GLI2: variants seen among roughly 807,000 people sequenced by gnomAD.
The protein encoded by GLI2 is GLI family zinc finger 2.
A neutral mutation model predicts 78.9 loss-of-function variants in GLI2; 22 were observed. The ratio of observed to expected loss-of-function variants is 0.28; its 90% CI spans 0.20 to 0.40. The LOEUF (loss-of-function observed/expected upper bound fraction) is 0.40, where lower values mean the gene tolerates loss of function less well. GLI2 is among the 10% of genes least tolerant of loss of function. The pLI is 1.00. For missense variants in GLI2, 2,097 were observed against 2,213.2 expected (o/e 0.95, Z 1.05); for synonymous variants, 974 against 963.7 (o/e 1.01, Z -0.20).
intron 5 of GLI2, among the ~76,000 whole-genome samples, chr2:120,966,559 T>C (rs1275085025): frequency 2.0e-5 from 3 of 152,256 alleles, no homozygotes. Context: ...CCAATGGTCC[T>C]GGATGTCCTC....
intron 2 of GLI2, among the ~76,000 whole-genome samples, chr2:120,871,930 G>A (rs1688482417): frequency 6.6e-6 from 1 of 152,324 alleles, no homozygotes. Context: ...GAAATCAGCT[G>A]AGAGTTGTGG....
intron 3 of GLI2, among the ~76,000 whole-genome samples, chr2:120,945,967 A>ACACACACACACACACC: frequency 6.9e-6 from 1 of 144,020 alleles, no homozygotes; most frequent in Admixed American, 6.7e-5. Flanking sequence ...TCACACACAC[A>ACACACACACACACACC]CACACACACA....
At chr2:120,960,371 G>C (rs1020312476) in intron 5 of GLI2, among the ~76,000 whole-genome samples, 3 of 152,222 alleles carry the variant, frequency 2.0e-5, no homozygotes, top group African/African-American at 7.2e-5. Context: ...GGCTCTGCCA[G>C]GCAAGAGGGC....
Position 120,975,108 on chromosome 2 carries a change from A to T in GLI2, c.1316A>T (p.His439Leu). 2 of 1,613,836 alleles carry T rather than the reference A, an allele frequency of 1.2e-6. No individual in the cohort carries two copies. Among genetic ancestry groups the T allele is most frequent in the Non-Finnish European group, 1.7e-6 (2 of 1,180,014 alleles). The change falls in exon 9 of 14, where the codon CAT becomes CTT. Residue 439 changes from histidine to leucine, a missense_variant and splice_region_variant. Physicochemically the swap from His to Leu is moderately conservative, Grantham distance 99. This residue lies in a region of GLI2 where 578 missense variants were observed against 612.0 expected (regional missense o/e 0.94). Transcript: ENST00000361492. ...KEYDTQEQLV[H>L]HINNEHIHGE... ...TACGACACCCAGGAGCAGCTGGTGC[A>T]TGTAAGCTTTTGAACCCCAGCAGCC... is the stretch of plus-strand genomic sequence containing the variant.
At chr2:120,987,565 T>A (rs1683038371) in intron 13 of GLI2, among the ~76,000 whole-genome samples, 1 of 152,156 alleles carries the variant, frequency 6.6e-6, no homozygotes, top group Non-Finnish European at 1.5e-5. Context: ...CTCTGCCCAC[T>A]CTTGCAGCCT....
chr2:120,989,902 G>T lies in GLI2; in HGVS notation c.3937G>T (p.Ala1313Ser). The change falls in exon 14 of 14, where the codon GCC becomes TCC. Residue 1313 changes from alanine to serine, a missense_variant. This residue lies in a region of GLI2 where 1,290 missense variants were observed against 1,261.7 expected (regional missense o/e 1.02). Transcript: ENST00000361492. Reference protein sequence around the residue: ...SYPQQSHHLAASMSQEGYHQV... With the variant: ...SYPQQSHHLASSMSQEGYHQV... ...CCCACAGCAGAGCCATCACCTGGCA[G>T]CCTCCATGAGCCAGGAGGGCTACCA... is the stretch of plus-strand genomic sequence containing the variant. 1 of 1,612,926 alleles carries T rather than the reference G, an allele frequency of 6.2e-7. No homozygotes were observed. Among genetic ancestry groups the T allele is most frequent in the African/African-American group, 1.3e-5 (1 of 75,060 alleles).
intron 5 of GLI2, among the ~76,000 whole-genome samples, chr2:120,961,079 A>C (rs1041091896): frequency 6.6e-6 from 1 of 152,142 alleles, no homozygotes; most frequent in African/African-American, 2.4e-5. Flanking sequence ...TTGGTGATTT[A>C]ACGACAGAAC....
intron 2 of GLI2, chr2:120,866,666 GC>G (rs1688150087): frequency 6.6e-6 from 1 of 152,064 alleles, no homozygotes; most frequent in Non-Finnish European, 1.5e-5. Context: ...GTGGTGAGTG[GC>G]TGAGTGGAAT....
At chr2:120,744,065 C>G (rs1031242871) in intron 1 of GLI2, among the ~76,000 whole-genome samples, 1 of 152,164 alleles carries the variant, frequency 6.6e-6, no homozygotes, top group South Asian at 2.1e-4. Context: ...AGAGCGGAAG[C>G]CTGTGATGGT....
intron 2 of GLI2, among the ~76,000 whole-genome samples, chr2:120,823,182 T>C (rs987886695): frequency 6.6e-6 from 1 of 152,186 alleles, no homozygotes; most frequent in African/African-American, 2.4e-5. Context: ...ACTTAATGAG[T>C]TCTGCAGGGA....
In GLI2 at chr2:120,968,906, G is replaced by T; in HGVS notation, c.836G>T (p.Gly279Val). The T allele has an allele frequency of 2.5e-6, 4 of 1,610,378 alleles. No homozygotes were observed. Among genetic ancestry groups the T allele is most frequent in the Non-Finnish European group, 3.4e-6 (4 of 1,178,958 alleles). Residue 279 changes from glycine to valine, a missense_variant, in exon 6 of 14, where the codon GGT (glycine) becomes GTT (valine). Gly to Val is a moderately radical substitution (Grantham distance 109). Transcript: ENST00000361492. Reference protein sequence around the residue: ...ASGSYGHLSAGALSPAFTFPH... With the variant: ...ASGSYGHLSAVALSPAFTFPH... The stretch of plus-strand genomic sequence containing the variant: ...GGTTCCTACGGGCATCTGTCAGCGG[G>T]TGCCCTCAGGTGAGCCCCGCCTGCA...
chr2:120,801,775 C>T (rs984454608), intron 2 of GLI2, among the ~76,000 whole-genome samples: 9 of 152,196 alleles, frequency 5.9e-5, no homozygotes, highest in Non-Finnish European at 1.3e-4. Context: ...TGGTCAGAGC[C>T]TCTCCTTCAG....
At chr2:120,868,076 A>G (rs1688239230) in intron 2 of GLI2, among the ~76,000 whole-genome samples, 1 of 152,194 alleles carries the variant, frequency 6.6e-6, no homozygotes, top group South Asian at 2.1e-4. Context: ...TCGGGGTACC[A>G]GTGAGAACTC....
chr2:120,815,034 C>A (rs374560519), intron 2 of GLI2, among the ~76,000 whole-genome samples: 1 of 152,074 alleles, frequency 6.6e-6, no homozygotes, highest in Admixed American at 6.6e-5. Context: ...AGGGAGAGGT[C>A]GATGGTTCTC....
intron 1 of GLI2, among the ~76,000 whole-genome samples, chr2:120,796,062 C>CA (rs960075186): frequency 1.3e-5 from 2 of 152,106 alleles, no homozygotes; most frequent in African/African-American, 4.8e-5. Context: ...AACAAACAAA[C>CA]AAACAAACAA....
chr2:120,931,094 C>T (rs1679926169), intron 3 of GLI2, among the ~76,000 whole-genome samples: 1 of 152,252 alleles, frequency 6.6e-6, no homozygotes, highest in Admixed American at 6.5e-5. Context: ...TTACCACAAA[C>T]TTCATGGCTT....
intron 3 of GLI2, among the ~76,000 whole-genome samples, chr2:120,931,194 C>A (rs1679929450): frequency 6.6e-6 from 1 of 152,238 alleles, no homozygotes; most frequent in Non-Finnish European, 1.5e-5. Context: ...GTTGGCAGGG[C>A]TGGTTCCTTC....
Position 120,904,391 on chromosome 2 carries a change from C to G in GLI2, c.149-22970C>G, listed in dbSNP as rs147845685. On this transcript the variant is annotated intron_variant, in intron 2 of 13. Transcript: ENST00000361492. ...ATGCTCGTTCTAAACTCTGCCTGCT[C>G]TGGTGGGAAGGCAGGGCCCTGGGCT... Among the ~76,000 whole-genome samples, 972 of 152,312 alleles carry G rather than the reference C, an allele frequency of 6.4e-3. 11 individuals are homozygous for G. The highest frequency in any genetic ancestry group is 0.022 in the African/African-American group (920 of 41,568).
chr2:120,742,256 A>G (rs996724200), intron 1 of GLI2, among the ~76,000 whole-genome samples: 1 of 152,212 alleles, frequency 6.6e-6, no homozygotes, highest in Non-Finnish European at 1.5e-5. Context: ...CTTGACCTGT[A>G]GGGATTCGAA....
Sources: gnomAD v4.1 joint callset for allele counts (sites outside exome capture counted in the v4.1 genomes callset) on GRCh38, gnomAD v4.1.1 for gene constraint, gnomAD v4.1.1 regional missense constraint, MANE v1.5 for transcripts, NCBI Gene and HGNC (gene_info 2026-07-23, HGNC 2026-07-21) for gene names.